FAM13A: variants seen among roughly 807,000 people sequenced by gnomAD.
FAM13A encodes protein FAM13A.
In FAM13A, 76 loss-of-function variants were observed where a neutral mutation model predicts 129.6. That is an observed-to-expected ratio of 0.59 (90% confidence interval 0.49 to 0.71). The LOEUF (loss-of-function observed/expected upper bound fraction) is 0.71, where lower values mean the gene tolerates loss of function less well. FAM13A is among the 30% of genes least tolerant of loss of function. The pLI is 0.00. For synonymous variants in FAM13A, 443 were observed against 449.9 expected, an observed-to-expected ratio of 0.98 and a Z score of 0.20; for missense variants, 1,108 against 1,249.3, an observed-to-expected ratio of 0.89 and a Z score of 1.70.
chr4:88,853,809 T>C (rs1413218664), intron 6 of FAM13A, among the ~76,000 whole-genome samples: 1 of 152,184 alleles, frequency 6.6e-6, no homozygotes, highest in Non-Finnish European at 1.5e-5. Flanking sequence ...CCAGCTCAGC[T>C]AGGATAAAAG....
At chr4:88,756,233 G>A (rs1176827513) in intron 14 of FAM13A, among the ~76,000 whole-genome samples, 1 of 152,186 alleles carries the variant, frequency 6.6e-6, no homozygotes, top group East Asian at 1.9e-4. Context: ...GATAAAGTAT[G>A]CTTAGTATTT....
chr4:88,853,074 T>C (rs2149994654), intron 6 of FAM13A, among the ~76,000 whole-genome samples: 1 of 152,280 alleles, frequency 6.6e-6, no homozygotes, highest in South Asian at 2.1e-4. Context: ...TTTGCCCAAA[T>C]CTGGTGACTG....
intron 4 of FAM13A, among the ~76,000 whole-genome samples, chr4:88,967,334 T>A (rs1759484880): frequency 6.6e-6 from 1 of 152,086 alleles, no homozygotes; most frequent in Non-Finnish European, 1.5e-5. Flanking sequence ...TAAAGTCTGA[T>A]TAAAGAGTCA....
intron 3 of FAM13A, among the ~76,000 whole-genome samples, chr4:88,992,475 T>C (rs1335464857): frequency 2.0e-5 from 3 of 152,112 alleles, no homozygotes; most frequent in Non-Finnish European, 2.9e-5. Context: ...TTCACCATGT[T>C]GGCCAGGCTG....
intron 1 of FAM13A, among the ~76,000 whole-genome samples, chr4:89,044,560 A>G (rs1227531085): frequency 6.6e-6 from 1 of 152,230 alleles, no homozygotes; most frequent in African/African-American, 2.4e-5. Flanking sequence ...TATATTATCC[A>G]ATGATTCCCC....
chr4:88,983,096 C>G (rs1463358846), intron 4 of FAM13A, among the ~76,000 whole-genome samples: 2 of 152,168 alleles, frequency 1.3e-5, no homozygotes, highest in Non-Finnish European at 2.9e-5. Flanking sequence ...GGCAGTTCAA[C>G]TTCTGCCTAA....
chr4:88,761,829 T>C (rs1414649976), intron 13 of FAM13A, among the ~76,000 whole-genome samples: 1 of 152,112 alleles, frequency 6.6e-6, no homozygotes. Context: ...TCAAAAGAAA[T>C]GATTTTTCAG....
At chr4:88,948,648 C>A (rs1425345593) in intron 4 of FAM13A, among the ~76,000 whole-genome samples, 1 of 152,104 alleles carries the variant, frequency 6.6e-6, no homozygotes, top group Non-Finnish European at 1.5e-5. Flanking sequence ...GCCACCACGC[C>A]TGGCTAAATT....
chr4:88,987,608 A>G (rs1385626798), intron 4 of FAM13A, among the ~76,000 whole-genome samples: 4 of 152,002 alleles, frequency 2.6e-5, no homozygotes, highest in African/African-American at 4.8e-5. Context: ...TAATCCCAGC[A>G]CTTTGGGAGG....
intron 4 of FAM13A, among the ~76,000 whole-genome samples, chr4:88,944,572 G>GC (rs143335720): frequency 0.022 from 3,333 of 152,226 alleles, 51 homozygotes; most frequent in Non-Finnish European, 0.033. Context: ...TCCGATGTCT[G>GC]CATTGGTTTG....
chr4:88,872,896 A>T (rs1433917511), intron 6 of FAM13A, among the ~76,000 whole-genome samples: 2 of 152,142 alleles, frequency 1.3e-5, no homozygotes, highest in South Asian at 2.1e-4. Context: ...GAAGTAAAGC[A>T]CTCCTCAGCA....
At chr4:88,842,723 C>T (rs1469014062) in intron 7 of FAM13A, among the ~76,000 whole-genome samples, 1 of 152,210 alleles carries the variant, frequency 6.6e-6, no homozygotes, top group African/African-American at 2.4e-5. Context: ...CTAAATGCCA[C>T]TAGAAATTAT....
At chr4:88,933,941 T>C (rs1032150329) in intron 5 of FAM13A, among the ~76,000 whole-genome samples, 1 of 152,194 alleles carries the variant, frequency 6.6e-6, no homozygotes, top group African/African-American at 2.4e-5. Flanking sequence ...GCTGATCCCT[T>C]GTTTCCTTTG....
chr4:88,935,312 A>C (rs1308923410), intron 5 of FAM13A, among the ~76,000 whole-genome samples: 1 of 152,228 alleles, frequency 6.6e-6, no homozygotes, highest in African/African-American at 2.4e-5. Flanking sequence ...AGAATATATA[A>C]GAAACTTCAT....
intron 10 of FAM13A, among the ~76,000 whole-genome samples, chr4:88,786,372 A>AG (rs1723969137): frequency 6.6e-6 from 1 of 152,326 alleles, no homozygotes; most frequent in African/African-American, 2.4e-5. Flanking sequence ...GCAAAAAATG[A>AG]GGCAGAGGAT....
intron 4 of FAM13A, among the ~76,000 whole-genome samples, chr4:88,947,182 G>A (rs1388212886): frequency 2.0e-5 from 3 of 152,150 alleles, no homozygotes; most frequent in Non-Finnish European, 1.5e-5. Context: ...GCTGAGGTGG[G>A]CAGATCACTT....
At chr4:88,994,156 T>G (rs929384335) in intron 3 of FAM13A, among the ~76,000 whole-genome samples, 5 of 152,216 alleles carry the variant, frequency 3.3e-5, no homozygotes, top group African/African-American at 1.2e-4. Context: ...ATTCACCCAC[T>G]GGACAAGGAT....
intron 3 of FAM13A, among the ~76,000 whole-genome samples, chr4:89,008,345 A>G (rs565253490): frequency 1.3e-5 from 2 of 152,286 alleles, no homozygotes; most frequent in Non-Finnish European, 2.9e-5. Context: ...TGGTGTCCCT[A>G]TAAGAAGAGA....
intron 4 of FAM13A, among the ~76,000 whole-genome samples, chr4:88,941,690 TC>T (rs772654501): frequency 2.7e-4 from 41 of 152,056 alleles, no homozygotes; most frequent in Non-Finnish European, 8.8e-5. Flanking sequence ...GGGGGGTGGG[TC>T]CCCTGTCTTC....
Sources: allele counts gnomAD v4.1 joint callset (sites outside exome capture counted in the v4.1 genomes callset), GRCh38; gene constraint gnomAD v4.1.1; transcripts MANE v1.5; gene names NCBI Gene and HGNC (gene_info 2026-07-23, HGNC 2026-07-21).